Variants in COL11A1 observed in about 807,000 individuals in gnomAD.
COL11A1 encodes the protein collagen alpha-1(XI) chain.
COL11A1 carries 74 observed loss-of-function variants against 265.2 expected under a neutral mutation model. The ratio of observed to expected loss-of-function variants is 0.28; its 90% confidence interval spans 0.23 to 0.34. The LOEUF (loss-of-function observed/expected upper bound fraction) is 0.34. COL11A1 is among the 10% of genes least tolerant of loss of function. COL11A1 has a pLI of 1.00. For synonymous variants in COL11A1, 816 were observed against 727.6 expected (o/e 1.12, Z -1.96); for missense variants, 2,165 against 2,263.6 (o/e 0.96, Z 0.88).
intron 46 of COL11A1, among the ~76,000 whole-genome samples, chr1:102,930,608 A>C (rs955753997): frequency 6.6e-6 from 1 of 152,210 alleles, no homozygotes; most frequent in African/African-American, 2.4e-5. Flanking sequence ...TGGCCTCATA[A>C]AATGAATTAG....
intron 1 of COL11A1, among the ~76,000 whole-genome samples, chr1:103,102,829 G>A (rs1674391094): frequency 6.6e-6 from 1 of 151,866 alleles, no homozygotes; most frequent in Non-Finnish European, 1.5e-5. Context: ...GCCATGTATT[G>A]CTTTTCCCTA....
chr1:103,049,240 C>G (rs1470722646), intron 4 of COL11A1, among the ~76,000 whole-genome samples: 1 of 152,100 alleles, frequency 6.6e-6, no homozygotes, highest in African/African-American at 2.4e-5. Flanking sequence ...GTCTAAGTCT[C>G]TTTGTAGGTC....
chr1:102,977,011 T>A (rs1188270516), intron 35 of COL11A1, among the ~76,000 whole-genome samples: 1 of 152,164 alleles, frequency 6.6e-6, no homozygotes, highest in Non-Finnish European at 1.5e-5. Flanking sequence ...TATATATGCA[T>A]GCCATGTATA....
In COL11A1 at chr1:102,999,430, T is replaced by C. The variant is rs536053613; in HGVS notation, c.2143-1067A>G. Among the ~76,000 whole-genome samples, 6 of 152,074 alleles carry C rather than the reference T, an allele frequency of 3.9e-5. No homozygotes were observed. In the South Asian group the frequency reaches 1.2e-3, roughly 31 times the overall value. ...TTTAACTAATATTTATTTTGTGTCT[T>C]GTTATTTTATACTGGACTCAGAGAG... is the stretch of plus-strand genomic sequence containing the variant. On this transcript the variant is annotated intron_variant, in intron 24 of 66. Coordinates refer to ENST00000370096, the MANE Select transcript of COL11A1 (RefSeq NM_001854.4).
intron 1 of COL11A1, among the ~76,000 whole-genome samples, chr1:103,087,976 T>G (rs1673011139): frequency 6.6e-6 from 1 of 152,136 alleles, no homozygotes; most frequent in Non-Finnish European, 1.5e-5. Flanking sequence ...GAAATTAAAT[T>G]TTTTTAGGTC....
intron 54 of COL11A1, among the ~76,000 whole-genome samples, chr1:102,902,415 A>G (rs1047962022): frequency 2.0e-5 from 3 of 152,208 alleles, no homozygotes; most frequent in African/African-American, 4.8e-5. Flanking sequence ...ACATTTTTGA[A>G]CATGTTAAAT....
intron 9 of COL11A1, among the ~76,000 whole-genome samples, chr1:103,019,862 G>A (rs1368710604): frequency 6.6e-6 from 1 of 150,610 alleles, no homozygotes; most frequent in African/African-American, 2.4e-5. Context: ...TCTTGTGATA[G>A]TTTACCGAGA....
intron 4 of COL11A1, among the ~76,000 whole-genome samples, chr1:103,051,276 T>C (rs766701818): frequency 6.6e-6 from 1 of 152,196 alleles, no homozygotes; most frequent in Non-Finnish European, 1.5e-5. Context: ...GGCCGCTTTG[T>C]TTACCTAATC....
intron 1 of COL11A1, among the ~76,000 whole-genome samples, chr1:103,097,770 A>T (rs1218682500): frequency 6.6e-6 from 1 of 152,020 alleles, no homozygotes; most frequent in African/African-American, 2.4e-5. Flanking sequence ...TTGTTGAATA[A>T]GTAAATGAAT....
intron 22 of COL11A1, 27 bp from the exon 23 acceptor site, chr1:103,002,508 T>A: frequency 6.4e-7 from 1 of 1,571,512 alleles, no homozygotes. Context: ...TAAAAAGTTT[T>A]TAATGGGCTA....
rs1649617031 is a variant in COL11A1 at position 102,877,297 on chromosome 1, CA to C, written c.*721del. ...TAGCCTTGAATAAAGCATCAAAATG[CA>C]TAATATTTTTGGCTGAAATTCAGCA... is the stretch of plus-strand genomic sequence containing the variant. On this transcript the variant is annotated 3_prime_UTR_variant, in exon 67 of 67. Coordinates refer to ENST00000370096, the MANE Select transcript of COL11A1 (RefSeq NM_001854.4). The C allele has an allele frequency of 6.6e-6, 1 of 152,454 alleles. No homozygotes were observed. The highest frequency in any genetic ancestry group is 6.6e-5 in the Admixed American group (1 of 15,238). 9.4% of individuals were successfully genotyped at this position (152,454 alleles called of 1,614,324 possible).
chr1:102,959,772 C>A (rs1042117510), intron 41 of COL11A1, among the ~76,000 whole-genome samples: 1 of 152,078 alleles, frequency 6.6e-6, no homozygotes, highest in African/African-American at 2.4e-5. Context: ...AAAATTGTAT[C>A]CCCTGGACAT....
chr1:102,983,573 C>A (rs916591626), intron 31 of COL11A1, among the ~76,000 whole-genome samples: 5 of 151,994 alleles, frequency 3.3e-5, no homozygotes, highest in African/African-American at 4.8e-5. Context: ...CTGGGAGAGG[C>A]AAGGACAGAT....
chr1:103,102,778 C>T (rs1371722160), intron 1 of COL11A1, among the ~76,000 whole-genome samples: 1 of 151,968 alleles, frequency 6.6e-6, no homozygotes, highest in Non-Finnish European at 1.5e-5. Flanking sequence ...TATAAAAACT[C>T]ATGATAAATG....
At chr1:103,008,603 C>T in intron 14 of COL11A1, 87 bp from the exon 15 acceptor site, 1 of 1,093,802 alleles carries the variant, frequency 9.1e-7, no homozygotes, top group Non-Finnish European at 1.4e-6. Flanking sequence ...AATAATTAAA[C>T]ATTATTCAAA....
Position 102,888,580 on chromosome 1 carries a change from A to AGGCCCTG in COL11A1, c.4604_4605insCAGGGCC (p.Pro1536ArgfsTer8). 6.2e-7 allele frequency: 1 copy of AGGCCCTG among 1,612,074 alleles called. No homozygotes were observed. On this transcript the variant is annotated frameshift_variant, in exon 62 of 67. Coordinates refer to ENST00000370096, the MANE Select transcript of COL11A1 (RefSeq NM_001854.4). LOFTEE classifies it high-confidence loss of function. ...ACTCTTGTTAACATATACTTACTGG[A>AGGCCCTG]GACCCAGGAGGCCCTGGAAGACCAC... is the stretch of plus-strand genomic sequence containing the variant.
In COL11A1 at chr1:102,878,150, C is replaced by T; in HGVS notation, c.5290G>A (p.Glu1764Lys). ...YDGCASRKGY[E>K]KTVIEINTPK... ...GTATTGATTTCAATGACAGTCTTTT[C>T]ATAGCCTTTTCTGGACTGTAAAATA... is the stretch of plus-strand genomic sequence containing the variant. The change falls in exon 67 of 67, where the codon GAA becomes AAA. Residue 1764 changes from glutamate to lysine, a missense_variant. Coordinates refer to ENST00000370096, the MANE Select transcript of COL11A1 (RefSeq NM_001854.4). 1.2e-6 allele frequency: 2 copies of T among 1,612,300 alleles called. No individual in the cohort carries two copies. The highest frequency in any genetic ancestry group is 3.4e-4 in the Middle Eastern group (2 of 5,948).
chr1:102,946,847 A>T lies in COL11A1; in HGVS notation c.3276+2T>A, dbSNP rs1445277143. On this transcript the variant is annotated splice_donor_variant, in intron 42 of 66. Coordinates refer to ENST00000370096, the MANE Select transcript of COL11A1 (RefSeq NM_001854.4). LOFTEE classifies it high-confidence loss of function. Reference sequence around the variant, plus strand: ...ATATATTTTCTCCTAGACATTACTTACAGGAGCACCTTTCTCTCCAGCTGG... The same window carrying T: ...ATATATTTTCTCCTAGACATTACTTTCAGGAGCACCTTTCTCTCCAGCTGG... 6.2e-7 allele frequency: 1 copy of T among 1,610,598 alleles called. No homozygotes were observed. Among genetic ancestry groups the T allele is most frequent in the Admixed American group, 1.7e-5 (1 of 59,868 alleles).
At chr1:102,970,132 A>C (rs1661819761) in intron 37 of COL11A1, 87 bp downstream of exon 37, 6 of 1,004,516 alleles carry the variant, frequency 6.0e-6, no homozygotes, top group Non-Finnish European at 9.2e-6. Flanking sequence ...TAGTAATTGA[A>C]ATGTTCATAA....
Sources: gnomAD v4.1 joint callset for allele counts (sites outside exome capture counted in the v4.1 genomes callset) on GRCh38, gnomAD v4.1.1 for gene constraint, MANE v1.5 for transcripts, NCBI Gene and HGNC (gene_info 2026-07-23, HGNC 2026-07-21) for gene names.